ARHGAP18: variants seen among roughly 807,000 people sequenced by gnomAD.
The protein encoded by ARHGAP18 is Rho GTPase activating protein 18, also known as rho GTPase-activating protein 18.
Under a neutral mutation model 86.2 loss-of-function variants are expected in ARHGAP18, and 67 were observed. The ratio of observed to expected loss-of-function variants is 0.78; its 90% CI spans 0.64 to 0.95. The LOEUF (loss-of-function observed/expected upper bound fraction) is 0.95, where lower values mean the gene tolerates loss of function less well. Ranked by LOEUF, ARHGAP18 falls within the 40% of genes least tolerant of loss-of-function variation. The probability of loss-of-function intolerance (pLI) is 0.00; values close to 1 mark genes in which losing one functional copy is unlikely to be tolerated. For synonymous variants in ARHGAP18, 283 were observed against 280.4 expected, an observed-to-expected ratio of 1.01 and a Z score of -0.09; for missense variants, 691 against 780.4, an observed-to-expected ratio of 0.89 and a Z score of 1.37.
At chr6:129,631,366 C>T (rs147333481) in intron 4 of ARHGAP18, among the ~76,000 whole-genome samples, 1,778 of 151,426 alleles carry the variant, frequency 0.012, 38 homozygotes, top group African/African-American at 0.04. Context: ...ACACATTTAA[C>T]ACACACATTT....
At chr6:129,680,341 T>C (rs546005800) in intron 1 of ARHGAP18, among the ~76,000 whole-genome samples, 6 of 152,200 alleles carry the variant, frequency 3.9e-5, no homozygotes, top group Non-Finnish European at 8.8e-5. Context: ...TGCTTCTGAA[T>C]AGGTCCCCAA....
At chr6:129,646,047 A>AT (rs1314127643) in intron 1 of ARHGAP18, among the ~76,000 whole-genome samples, 2 of 152,064 alleles carry the variant, frequency 1.3e-5, no homozygotes, top group Non-Finnish European at 2.9e-5. Context: ...CTGGTCTGAC[A>AT]TTTTTTCTTT....
At position 129,583,975 on chromosome 6, in the gene ARHGAP18, A is replaced by C. The variant is rs75460962; in HGVS notation, c.1838+13T>G. The C allele has an allele frequency of 7.8e-3, 12,576 of 1,612,572 alleles. 930 individuals are homozygous for C. In the Admixed American group the frequency reaches 0.16, roughly 20 times the overall value. Reference sequence around the variant, plus strand: ...TTATGCCATGGCATAATTAACACAAAACAGGCCTCTACCTTTCTTGGCTGA... The same window carrying C: ...TTATGCCATGGCATAATTAACACAACACAGGCCTCTACCTTTCTTGGCTGA... On this transcript the variant is annotated intron_variant, in intron 13 of 14. Coordinates refer to ENST00000368149, the MANE Select transcript of ARHGAP18 (RefSeq NM_033515.3).
chr6:129,600,211 C>G (rs945694923), intron 11 of ARHGAP18, among the ~76,000 whole-genome samples: 1 of 152,046 alleles, frequency 6.6e-6, no homozygotes, highest in African/African-American at 2.4e-5. Flanking sequence ...ATCAACGAAG[C>G]CTCTCATCCA....
chr6:129,622,858 G>A (rs556675654), intron 5 of ARHGAP18, among the ~76,000 whole-genome samples: 8 of 151,850 alleles, frequency 5.3e-5, no homozygotes, highest in South Asian at 4.2e-4. Flanking sequence ...AAAACTAGCC[G>A]GGCGTGGTGG....
chr6:129,668,559 C>T (rs1198062226), intron 1 of ARHGAP18, among the ~76,000 whole-genome samples: 1 of 152,198 alleles, frequency 6.6e-6, no homozygotes, highest in Admixed American at 6.5e-5. Flanking sequence ...GAGCTCTGCC[C>T]AGCTTTTCTC....
At chr6:129,606,523 C>T (rs1282251639) in intron 9 of ARHGAP18, among the ~76,000 whole-genome samples, 3 of 151,330 alleles carry the variant, frequency 2.0e-5, no homozygotes, top group Non-Finnish European at 3.0e-5. Context: ...TTTCAGCAGC[C>T]CTTACCCCAT....
intron 1 of ARHGAP18, among the ~76,000 whole-genome samples, chr6:129,659,519 G>A (rs368034544): frequency 7.9e-5 from 12 of 152,200 alleles, no homozygotes; most frequent in African/African-American, 2.6e-4. Context: ...CCAGGCTGGA[G>A]TGCAATGACA....
chr6:129,646,897 G>A (rs1471856947), intron 1 of ARHGAP18, among the ~76,000 whole-genome samples: 3 of 152,104 alleles, frequency 2.0e-5, no homozygotes, highest in African/African-American at 4.8e-5. Flanking sequence ...CCCAGACCAC[G>A]CTTTGAAAAC....
At position 129,602,151 on chromosome 6, in the gene ARHGAP18, C is replaced by T. The variant is rs532054413; in HGVS notation, c.1366-1303G>A. On this transcript the variant is annotated intron_variant, in intron 10 of 14. Coordinates refer to ENST00000368149, the MANE Select transcript of ARHGAP18 (RefSeq NM_033515.3). ...TTCTTTTGTTCTAGAACAACAGTAA[C>T]TATAACTGCACAGGTATTCAATGTT... is the stretch of plus-strand genomic sequence containing the variant. Among the ~76,000 whole-genome samples the T allele has an allele frequency of 2.6e-5, 4 of 152,250 alleles. 1 individual carries two copies. The South Asian group carries it at 8.3e-4, about 32-fold the overall frequency.
intron 1 of ARHGAP18, among the ~76,000 whole-genome samples, chr6:129,660,202 T>C (rs1427147911): frequency 6.6e-6 from 1 of 152,224 alleles, no homozygotes. Flanking sequence ...CAAATGTCAC[T>C]ATCAAATTCC....
At position 129,668,393 on chromosome 6, in the gene ARHGAP18, CACACACAG is replaced by C. The variant is rs1379085963; in HGVS notation, c.114-26383_114-26376del. On this transcript the variant is annotated intron_variant, in intron 1 of 14. Coordinates refer to ENST00000368149, the MANE Select transcript of ARHGAP18 (RefSeq NM_033515.3). ...ACACACACACACACACACACACACA[CACACACAG>C]ACACACACACCATTAAAAACAGTCT... is the stretch of plus-strand genomic sequence containing the variant. Among the ~76,000 whole-genome samples the C allele has an allele frequency of 6.0e-3, 846 of 140,896 alleles. 18 individuals carry two copies. Among genetic ancestry groups the C allele is most frequent in the Admixed American group, 0.029 (407 of 13,934 alleles). The allele number at this position is 140,896 out of a possible 152,430, so 92.4% of individuals were successfully genotyped here. A position where few individuals can be genotyped will look rare whatever the true frequency, so the allele number is the denominator to read the frequency against.
intron 12 of ARHGAP18, among the ~76,000 whole-genome samples, chr6:129,590,775 C>T (rs543212013): frequency 6.6e-6 from 1 of 152,280 alleles, no homozygotes; most frequent in East Asian, 1.9e-4. Flanking sequence ...CACTAGAGAA[C>T]CTGTATTCTA....
chr6:129,632,010 C>A (rs1435097391), intron 4 of ARHGAP18, among the ~76,000 whole-genome samples: 1 of 152,146 alleles, frequency 6.6e-6, no homozygotes, highest in Non-Finnish European at 1.5e-5. Context: ...GAATAAGTAT[C>A]ATTGGCGGAA....
At position 129,696,824 on chromosome 6, in the gene ARHGAP18, A is replaced by G. The variant is rs187838034; in HGVS notation, c.113+13200T>C. On this transcript the variant is annotated intron_variant, in intron 1 of 14. Coordinates refer to ENST00000368149, the MANE Select transcript of ARHGAP18 (RefSeq NM_033515.3). ...AAGAGAAGCAAGCAAGAAGATCAGG[A>G]AAGGCAGGTAAGGCCAGATACAAAG... is the stretch of plus-strand genomic sequence containing the variant. 4.6e-5 allele frequency among the ~76,000 whole-genome samples: 7 copies of G among 152,352 alleles called. No individual in the cohort carries two copies. In the East Asian group the frequency reaches 1.2e-3, roughly 25 times the overall value.
intron 3 of ARHGAP18, among the ~76,000 whole-genome samples, chr6:129,638,182 C>T (rs891130423): frequency 3.3e-5 from 5 of 152,176 alleles, no homozygotes; most frequent in African/African-American, 1.2e-4. Context: ...GATTATCATG[C>T]TGAATTTTAA....
intron 13 of ARHGAP18, among the ~76,000 whole-genome samples, chr6:129,582,688 A>G (rs1372886708): frequency 6.6e-6 from 1 of 152,224 alleles, no homozygotes; most frequent in Non-Finnish European, 1.5e-5. Context: ...AGTGGTTCCC[A>G]GATCTATGAT....
chr6:129,630,330 A>C (rs1407628649), intron 4 of ARHGAP18, among the ~76,000 whole-genome samples: 2 of 152,206 alleles, frequency 1.3e-5, no homozygotes, highest in African/African-American at 2.4e-5. Flanking sequence ...AGATACTTCT[A>C]AATTTGATTA....
At chr6:129,682,746 G>A (rs1042732947) in intron 1 of ARHGAP18, among the ~76,000 whole-genome samples, 3 of 152,328 alleles carry the variant, frequency 2.0e-5, no homozygotes, top group African/African-American at 7.2e-5. Context: ...CATGTTTAAT[G>A]CCTTGATGAG....
Sources: allele counts gnomAD v4.1 joint callset (sites outside exome capture counted in the v4.1 genomes callset), GRCh38; gene constraint gnomAD v4.1.1; transcripts MANE v1.5; gene names NCBI Gene and HGNC (gene_info 2026-07-23, HGNC 2026-07-21).